PTPRT: variants seen among roughly 807,000 people sequenced by gnomAD.
PTPRT encodes protein tyrosine phosphatase receptor type T.
Under a neutral mutation model 176.8 loss-of-function variants are expected in PTPRT, and 56 were observed. The observed-to-expected ratio is 0.32, with a 90% CI of 0.26 to 0.40. The LOEUF (loss-of-function observed/expected upper bound fraction) is 0.40. Ranked by LOEUF, PTPRT falls within the 10% of genes least tolerant of loss-of-function variation. The pLI is 1.00. For synonymous variants in PTPRT, 783 were observed against 739.0 expected (o/e 1.06, Z -0.96); for missense variants, 1,540 against 1,908.2 (o/e 0.81, Z 3.60).
chr20:43,071,446 A>T (rs1044554066), intron 1 of PTPRT, among the ~76,000 whole-genome samples: 1 of 152,112 alleles, frequency 6.6e-6, no homozygotes, highest in Non-Finnish European at 1.5e-5. Context: ...CTGCATTTAC[A>T]TGGGCCCCCA....
chr20:42,394,723 A>T (rs940179955), intron 9 of PTPRT, among the ~76,000 whole-genome samples: 1 of 152,192 alleles, frequency 6.6e-6, no homozygotes, highest in Non-Finnish European at 1.5e-5. Flanking sequence ...CTACTTTCAG[A>T]AGAATCAAAA....
At chr20:43,075,263 G>A (rs540169565) in intron 1 of PTPRT, among the ~76,000 whole-genome samples, 125 of 152,390 alleles carry the variant, frequency 8.2e-4, no homozygotes, top group African/African-American at 3.0e-3. Context: ...TTAGAAGGTA[G>A]CGTTGCATGG....
rs546982478 is a variant in PTPRT, at chr20:43,044,576, G to A, written c.88+145070C>T. ...ACACAGATGGCATGGATTCAAGTCCGGCCTCAGCACCTCCCTGCCGCATGC... is the reference window on the plus strand; with the variant it reads ...ACACAGATGGCATGGATTCAAGTCCAGCCTCAGCACCTCCCTGCCGCATGC... On this transcript the variant is annotated intron_variant, in intron 1 of 30. Transcript: ENST00000373187. Among the ~76,000 whole-genome samples, 93 of 152,204 alleles carry A rather than the reference G, an allele frequency of 6.1e-4. 1 individual carries two copies. The South Asian group carries it at 0.015, about 25-fold the overall frequency.
At position 42,139,597 on chromosome 20, in the gene PTPRT, C is replaced by G. The variant is rs992391858; in HGVS notation, c.2770+2318G>C. ...GAGGGCTTCTCCTGGGGGTATTAAC[C>G]CTTCAGGATTTGCAGGCTGCCTGTG... On this transcript the variant is annotated intron_variant, in intron 18 of 30. Transcript: ENST00000373187. 9.8e-5 allele frequency among the ~76,000 whole-genome samples: 15 copies of G among 152,302 alleles called. No homozygotes were observed. In the East Asian group the frequency reaches 2.9e-3, roughly 29 times the overall value.
chr20:42,097,203 C>G (rs1207618707), intron 27 of PTPRT, among the ~76,000 whole-genome samples: 1 of 152,210 alleles, frequency 6.6e-6, no homozygotes, highest in Non-Finnish European at 1.5e-5. Flanking sequence ...CAACCAAGAC[C>G]CAAGCTCCTT....
At chr20:42,929,991 G>T (rs996556124) in intron 1 of PTPRT, among the ~76,000 whole-genome samples, 1 of 152,180 alleles carries the variant, frequency 6.6e-6, no homozygotes, top group African/African-American at 2.4e-5. Flanking sequence ...GGCTGCAAAT[G>T]GTCCCCCAAT....
chr20:43,152,126 A>G (rs1286827205), intron 1 of PTPRT, among the ~76,000 whole-genome samples: 1 of 152,196 alleles, frequency 6.6e-6, no homozygotes, highest in Non-Finnish European at 1.5e-5. Context: ...ACTGCTCAGA[A>G]AAAGCCTCTG....
At chr20:43,126,287 G>T (rs2146368551) in intron 1 of PTPRT, among the ~76,000 whole-genome samples, 1 of 151,936 alleles carries the variant, frequency 6.6e-6, no homozygotes, top group South Asian at 2.1e-4. Flanking sequence ...GGAGATGGAG[G>T]TTGCAGTGAG....
At chr20:42,645,656 A>T (rs942700550) in intron 7 of PTPRT, among the ~76,000 whole-genome samples, 1 of 152,074 alleles carries the variant, frequency 6.6e-6, no homozygotes, top group Non-Finnish European at 1.5e-5. Flanking sequence ...TACAACAAAG[A>T]TAGATCAGGT....
At chr20:42,847,124 CCAAGG>C (rs1353929592) in intron 2 of PTPRT, among the ~76,000 whole-genome samples, 1 of 152,160 alleles carries the variant, frequency 6.6e-6, no homozygotes, top group East Asian at 1.9e-4. Context: ...TGAGGAGAAT[CCAAGG>C]CAAGTTAACA....
At chr20:42,082,627 C>G (rs960223978) in intron 29 of PTPRT, among the ~76,000 whole-genome samples, 1 of 152,164 alleles carries the variant, frequency 6.6e-6, no homozygotes, top group Non-Finnish European at 1.5e-5. Context: ...TGACAGGTCT[C>G]TACTATACAC....
intron 27 of PTPRT, among the ~76,000 whole-genome samples, chr20:42,087,315 C>T (rs1289049202): frequency 3.3e-5 from 5 of 152,118 alleles, no homozygotes; most frequent in Non-Finnish European, 5.9e-5. Context: ...GCTGCAACCT[C>T]TGCCTCCCGG....
chr20:42,917,371 A>G (rs984185293), intron 1 of PTPRT, among the ~76,000 whole-genome samples: 1 of 152,086 alleles, frequency 6.6e-6, no homozygotes, highest in African/African-American at 2.4e-5. Context: ...GTAGTCTTGT[A>G]GTATAGTTTG....
At chr20:42,980,474 G>T (rs4812663) in intron 1 of PTPRT, among the ~76,000 whole-genome samples, 58,046 of 152,132 alleles carry the variant, frequency 0.38, 11,428 homozygotes, top group East Asian at 0.53. Flanking sequence ...ACATGCTGCA[G>T]CTGCAATTTT....
At chr20:42,938,321 G>A (rs923769362) in intron 1 of PTPRT, among the ~76,000 whole-genome samples, 1 of 152,138 alleles carries the variant, frequency 6.6e-6, no homozygotes, top group Non-Finnish European at 1.5e-5. Flanking sequence ...ATTACCCCTA[G>A]AGTCTAGAGC....
At chr20:42,086,741 A>ATATATATATATAT (rs1311915259) in intron 27 of PTPRT, among the ~76,000 whole-genome samples, 3 of 37,976 alleles carry the variant, frequency 7.9e-5, no homozygotes, top group Non-Finnish European at 1.8e-4. Flanking sequence ...AAAAAAAAAA[A>ATATATATATATAT]AAAAAAAAAA....
intron 9 of PTPRT, among the ~76,000 whole-genome samples, chr20:42,363,459 C>T (rs1384034856): frequency 6.6e-6 from 1 of 150,664 alleles, no homozygotes; most frequent in African/African-American, 2.4e-5. Context: ...TACAGGCATG[C>T]ACCTCCACCC....
chr20:42,545,481 T>C (rs1040299369), intron 7 of PTPRT, among the ~76,000 whole-genome samples: 1 of 152,104 alleles, frequency 6.6e-6, no homozygotes, highest in Non-Finnish European at 1.5e-5. Flanking sequence ...AGATTCTTTT[T>C]TTCCCAGGTA....
chr20:42,999,612 T>G (rs908606392), intron 1 of PTPRT, among the ~76,000 whole-genome samples: 1 of 141,768 alleles, frequency 7.1e-6, no homozygotes, highest in Admixed American at 7.1e-5. Context: ...TTGTGGTTTT[T>G]TTTTTGTTGT....
Sources: gnomAD v4.1 joint callset for allele counts (sites outside exome capture counted in the v4.1 genomes callset) on GRCh38, gnomAD v4.1.1 for gene constraint, MANE v1.5 for transcripts, NCBI Gene and HGNC (gene_info 2026-07-23, HGNC 2026-07-21) for gene names.